Variants in OLFM2 observed in about 807,000 individuals in gnomAD.
OLFM2 encodes olfactomedin 2, also known as noelin-2.
OLFM2 carries 20 observed loss-of-function variants against 43.9 expected under a neutral mutation model. The observed-to-expected ratio is 0.46, with a 90% CI of 0.32 to 0.66. The LOEUF (loss-of-function observed/expected upper bound fraction) is 0.66. OLFM2 is among the 30% of genes least tolerant of loss of function. The pLI is 0.04. For missense variants in OLFM2, 416 were observed against 643.6 expected (o/e 0.65, Z 3.83); for synonymous variants, 268 against 278.6 (o/e 0.96, Z 0.38).
intron 2 of OLFM2, chr19:9,858,225 G>GCCC (rs572138863): frequency 6.2e-5 from 21 of 338,766 alleles, no homozygotes; most frequent in African/African-American, 5.1e-4. Context: ...GGCTGGTCCT[G>GCCC]CCCACCCCCC....
intron 1 of OLFM2, among the ~76,000 whole-genome samples, chr19:9,885,005 A>AG (rs2046574330): frequency 6.6e-6 from 1 of 152,284 alleles, no homozygotes; most frequent in Middle Eastern, 3.4e-3. Flanking sequence ...GGGTGGATAC[A>AG]GGGGCTCTGG....
chr19:9,920,279 T>C (rs2086411746), intron 1 of OLFM2, among the ~76,000 whole-genome samples: 1 of 151,694 alleles, frequency 6.6e-6, no homozygotes, highest in African/African-American at 2.4e-5. Flanking sequence ...ACCCTGCCTG[T>C]ACAAAAGGGG....
intron 1 of OLFM2, chr19:9,913,502 G>A (rs1445510373): frequency 7.9e-6 from 9 of 1,139,744 alleles, no homozygotes; most frequent in Non-Finnish European, 9.7e-6. Context: ...AGAGGCGCCC[G>A]CACGGGACAC....
chr19:9,925,490 C>T (rs2145007055), intron 1 of OLFM2, among the ~76,000 whole-genome samples: 1 of 152,044 alleles, frequency 6.6e-6, no homozygotes, highest in Non-Finnish European at 1.5e-5. Flanking sequence ...AGGATCTTAC[C>T]CTGTCACCCA....
At chr19:9,866,640 C>T (rs1194860703) in intron 1 of OLFM2, among the ~76,000 whole-genome samples, 2 of 151,906 alleles carry the variant, frequency 1.3e-5, no homozygotes, top group Non-Finnish European at 2.9e-5. Flanking sequence ...GCTGGGACTA[C>T]AGGCATGCAC....
At chr19:9,912,967 T>G in intron 1 of OLFM2, among the ~76,000 whole-genome samples, 1 of 142,038 alleles carries the variant, frequency 7.0e-6, no homozygotes, top group African/African-American at 2.7e-5. Flanking sequence ...GCAGGGGAAA[T>G]GAATAGAGAC....
At chr19:9,873,623 TTTTTTA>T (rs1293017365) in intron 1 of OLFM2, among the ~76,000 whole-genome samples, 8 of 151,728 alleles carry the variant, frequency 5.3e-5, no homozygotes, top group Admixed American at 4.0e-4. Flanking sequence ...CCCTGATACT[TTTTTTA>T]TTTTTATTTT....
intron 1 of OLFM2, chr19:9,913,750 G>A: frequency 1.1e-6 from 1 of 926,804 alleles, no homozygotes; most frequent in Non-Finnish European, 1.3e-6. Flanking sequence ...GAGCTGCGGG[G>A]CAGGGGGTCC....
At chr19:9,932,484 G>C (rs918216016) in intron 1 of OLFM2, among the ~76,000 whole-genome samples, 6 of 151,520 alleles carry the variant, frequency 4.0e-5, no homozygotes, top group Non-Finnish European at 5.9e-5. Context: ...AAGAAAGAGA[G>C]AGAAAGAAAA....
intron 1 of OLFM2, among the ~76,000 whole-genome samples, chr19:9,926,241 G>T (rs1217837177): frequency 2.0e-5 from 3 of 152,064 alleles, no homozygotes; most frequent in Non-Finnish European, 4.4e-5. Context: ...CATGGAATAT[G>T]ATTCAGCCTT....
At chr19:9,859,666 T>C (rs926698678) in intron 2 of OLFM2, among the ~76,000 whole-genome samples, 2 of 152,066 alleles carry the variant, frequency 1.3e-5, no homozygotes, top group African/African-American at 4.8e-5. Context: ...AGGTGGAGGG[T>C]TAGACCCTCC....
rs528460633 is a variant in OLFM2, at chr19:9,899,134, A to G, written c.63+37170T>C. 1.1e-4 allele frequency among the ~76,000 whole-genome samples: 17 copies of G among 151,956 alleles called. No homozygotes were observed. In the South Asian group the frequency reaches 3.1e-3, roughly 28 times the overall value. On this transcript the variant is annotated intron_variant, in intron 1 of 5. Coordinates refer to ENST00000264833, the MANE Select transcript of OLFM2 (RefSeq NM_058164.4). Reference sequence around the variant, plus strand: ...ACAAAAATTAGACAGGCGTGGTGGCAGCCACCTGTAATCCCAGCTACTTGG... The same window carrying G: ...ACAAAAATTAGACAGGCGTGGTGGCGGCCACCTGTAATCCCAGCTACTTGG...
chr19:9,859,305 T>TTTTATTTATTTATTTA (rs71188843), intron 2 of OLFM2, among the ~76,000 whole-genome samples: 3 of 150,256 alleles, frequency 2.0e-5, no homozygotes, highest in African/African-American at 7.3e-5. Flanking sequence ...AATTTGTAAG[T>TTTTATTTATTTATTTA]TTTATTTATT....
At chr19:9,919,687 G>T (rs528127694) in intron 1 of OLFM2, among the ~76,000 whole-genome samples, 1 of 147,008 alleles carries the variant, frequency 6.8e-6, no homozygotes, top group African/African-American at 2.5e-5. Context: ...TTGCCACATT[G>T]GCCAGGCTGG....
intron 1 of OLFM2, among the ~76,000 whole-genome samples, chr19:9,923,910 G>A (rs1367475972): frequency 6.7e-6 from 1 of 149,534 alleles, no homozygotes; most frequent in African/African-American, 2.5e-5. Context: ...GACCAACCTG[G>A]CCAACATGTC....
rs572624339 is a variant in OLFM2, at chr19:9,907,956, G to T, written c.63+28348C>A. ...GGAGGCAGAGGTTGCAGTAAGCAAA[G>T]ATCGTGCCACTGCACTCCAGCTTGG... On this transcript the variant is annotated intron_variant, in intron 1 of 5. Transcript: ENST00000264833. 6.6e-5 allele frequency among the ~76,000 whole-genome samples: 10 copies of T among 152,262 alleles called. No individual in the cohort carries two copies. The East Asian group carries it at 1.7e-3, about 26-fold the overall frequency.
At chr19:9,873,892 C>CT (rs1447738523) in intron 1 of OLFM2, among the ~76,000 whole-genome samples, 3 of 135,008 alleles carry the variant, frequency 2.2e-5, no homozygotes, top group African/African-American at 8.4e-5. Flanking sequence ...CTCAAGCGAT[C>CT]TTCCCATCTT....
intron 1 of OLFM2, among the ~76,000 whole-genome samples, chr19:9,889,927 T>C (rs1236100141): frequency 6.6e-6 from 1 of 151,892 alleles, no homozygotes; most frequent in Non-Finnish European, 1.5e-5. Flanking sequence ...CCAATTTTTT[T>C]TTTTTTATAT....
At chr19:9,887,779 A>C (rs922632883) in intron 1 of OLFM2, among the ~76,000 whole-genome samples, 1 of 152,146 alleles carries the variant, frequency 6.6e-6, no homozygotes, top group East Asian at 1.9e-4. Context: ...GCGTGATTAC[A>C]CCTGTAATCC....
Sources: allele counts gnomAD v4.1 joint callset (sites outside exome capture counted in the v4.1 genomes callset), GRCh38; gene constraint gnomAD v4.1.1; transcripts MANE v1.5; gene names NCBI Gene and HGNC (gene_info 2026-07-23, HGNC 2026-07-21).